SAP130: variants seen among roughly 807,000 people sequenced by gnomAD.
The protein encoded by SAP130 is Sin3A associated protein 130.
Under a neutral mutation model 103.2 loss-of-function variants are expected in SAP130, and 16 were observed. The observed-to-expected ratio is 0.16, with a 90% confidence interval of 0.10 to 0.24. The LOEUF is 0.24. Ranked by LOEUF, SAP130 falls within the 10% of genes least tolerant of loss-of-function variation. The pLI is 1.00. For missense variants in SAP130, 990 were observed against 1,359.7 expected, an observed-to-expected ratio of 0.73 and a Z score of 4.28; for synonymous variants, 477 against 497.0, an observed-to-expected ratio of 0.96 and a Z score of 0.53.
chr2:127,971,459 G>A (rs1681087259), intron 15 of SAP130, among the ~76,000 whole-genome samples: 1 of 151,898 alleles, frequency 6.6e-6, no homozygotes, highest in South Asian at 2.1e-4. Context: ...CTAATTTTTT[G>A]TATGTTTTTA....
rs142538837 is a variant in SAP130, at chr2:127,989,046, G to C, written c.1780+518C>G. Among the ~76,000 whole-genome samples the C allele has an allele frequency of 4.6e-3, 692 of 151,680 alleles. 6 individuals carry two copies. The highest frequency in any genetic ancestry group is 0.016 in the African/African-American group (650 of 41,376). On this transcript the variant is annotated intron_variant, in intron 13 of 20. Coordinates refer to ENST00000643581, the MANE Select transcript of SAP130 (RefSeq NM_001330301.2). The surrounding 1 kb of genome is among the most constrained non-coding windows in gnomAD (Gnocchi z 4.6). ...CCCACAACTAGGAGCTTTTAAAAAA[G>C]ATAACACTTCTCATTATGTTCAAAT...
intron 16 of SAP130, among the ~76,000 whole-genome samples, chr2:127,954,564 T>C (rs1339707369): frequency 2.0e-5 from 3 of 152,262 alleles, no homozygotes; most frequent in Non-Finnish European, 2.9e-5. Context: ...TAATCACATA[T>C]AGGTTTTTCA....
At chr2:128,011,871 G>C (rs1200730645) in intron 6 of SAP130, among the ~76,000 whole-genome samples, 1 of 152,128 alleles carries the variant, frequency 6.6e-6, no homozygotes, top group East Asian at 1.9e-4. Flanking sequence ...AGAGTGCAGT[G>C]GCACGATCTT....
chr2:128,014,482 G>A (rs984601875), intron 5 of SAP130, among the ~76,000 whole-genome samples: 7 of 151,966 alleles, frequency 4.6e-5, no homozygotes, highest in African/African-American at 1.2e-4. Flanking sequence ...GACTACAGAC[G>A]CATGCCACCA....
At chr2:127,968,414 G>GTTT (rs772856433) in intron 15 of SAP130, among the ~76,000 whole-genome samples, 9 of 133,958 alleles carry the variant, frequency 6.7e-5, no homozygotes, top group East Asian at 4.3e-4. Context: ...CCCGGAGTTG[G>GTTT]TTTTTTTTTT....
At chr2:127,948,097 A>T (rs1004379885) in intron 18 of SAP130, among the ~76,000 whole-genome samples, 1 of 151,626 alleles carries the variant, frequency 6.6e-6, no homozygotes, top group African/African-American at 2.4e-5. Flanking sequence ...GCTTGTATGT[A>T]TTTTTCCAGT....
intron 6 of SAP130, among the ~76,000 whole-genome samples, chr2:128,011,925 A>T (rs529568365): frequency 6.6e-6 from 1 of 152,060 alleles, no homozygotes; most frequent in Non-Finnish European, 1.5e-5. Context: ...TGATTCTCCC[A>T]CCTCAGCCTC....
chr2:127,999,704 C>T lies in SAP130; in HGVS notation c.1213+37G>A, dbSNP rs185447357. On this transcript the variant is annotated intron_variant, in intron 10 of 20. Coordinates refer to ENST00000643581, the MANE Select transcript of SAP130 (RefSeq NM_001330301.2). ...CCTAGTCTGAGGGGTTACAGCACTC[C>T]TGGTAAGCTTCTGTCCGAAGGCAGC... The T allele has an allele frequency of 8.1e-5, 104 of 1,284,130 alleles. No homozygotes were observed. The African/African-American group carries it at 1.4e-3, about 17-fold the overall frequency. 79.5% of individuals were successfully genotyped at this position (1,284,130 alleles called of 1,614,324 possible). A position where few individuals can be genotyped will look rare whatever the true frequency, so the allele number is the denominator to read the frequency against.
chr2:127,983,820 GTTGTTTTTTTTT>G (rs1279709339), intron 14 of SAP130, among the ~76,000 whole-genome samples: 13 of 112,354 alleles, frequency 1.2e-4, no homozygotes, highest in African/African-American at 1.5e-4. Flanking sequence ...CTATTACTTT[GTTGTTTTTTTTT>G]TTTTTTTTTT....
intron 15 of SAP130, among the ~76,000 whole-genome samples, chr2:127,959,817 A>T (rs2438018): frequency 0.82 from 125,428 of 152,048 alleles, 52,290 homozygotes; most frequent in Middle Eastern, 0.88. Flanking sequence ...GATAGAAAAA[A>T]CTTAGTAAAA....
chr2:127,989,928 A>G lies in SAP130; in HGVS notation c.1478-62T>C. On this transcript the variant is annotated intron_variant, in intron 12 of 20. Transcript: ENST00000643581. This position sits in a 1 kb window ranked among gnomAD's most constrained non-coding sequence, Gnocchi z 4.6. ...GCTTCATTTCACACAGTCCACATAA[A>G]GAGAGAAACACTAAAAACGGATTTC... 8 of 1,466,458 alleles carry G rather than the reference A, an allele frequency of 5.5e-6. No individual in the cohort carries two copies. The highest frequency in any genetic ancestry group is 7.4e-6 in the Non-Finnish European group (8 of 1,078,664). 90.8% of individuals were successfully genotyped at this position (1,466,458 alleles called of 1,614,324 possible). A position where few individuals can be genotyped will look rare whatever the true frequency, so the allele number is the denominator to read the frequency against.
chr2:127,998,540 T>C (rs1446226287), intron 10 of SAP130, among the ~76,000 whole-genome samples: 1 of 152,258 alleles, frequency 6.6e-6, no homozygotes, highest in Non-Finnish European at 1.5e-5. Context: ...TCAACTGAGC[T>C]ACCTTTCTTA....
Position 127,963,371 on chromosome 2 carries a change from A to T in SAP130, c.2064-8027T>A, listed in dbSNP as rs986264237. ...AAGCCTCCTGAGTAGCCAGGACCAC[A>T]GGTGCGTGCCACCATGCCCGGCTCA... On this transcript the variant is annotated intron_variant, in intron 15 of 20. Transcript: ENST00000643581. Among the ~76,000 whole-genome samples the T allele has an allele frequency of 2.0e-5, 3 of 152,102 alleles. No individual in the cohort carries two copies. In the South Asian group the frequency reaches 6.2e-4, roughly 32 times the overall value.
rs1559022317 is a variant in SAP130 at position 127,942,268 on chromosome 2, C to T, written c.3016-104G>A. ...AGAGGCCATGTTGAGGCTTCCACAA[C>T]AGAGAAAATGTCTTTTTGTTTCTCA... On this transcript the variant is annotated intron_variant, in intron 20 of 20. Coordinates refer to ENST00000643581, the MANE Select transcript of SAP130 (RefSeq NM_001330301.2). The surrounding 1 kb of genome is among the most constrained non-coding windows in gnomAD (Gnocchi z 4.8). The T allele has an allele frequency of 3.3e-6, 4 of 1,199,170 alleles. No individual in the cohort carries two copies. Among genetic ancestry groups the T allele is most frequent in the Admixed American group, 2.2e-5 (1 of 44,754 alleles). The allele number at this position is 1,199,170 out of a possible 1,614,324, so 74.3% of individuals were successfully genotyped here. A position where few individuals can be genotyped will look rare whatever the true frequency, so the allele number is the denominator to read the frequency against.
intron 12 of SAP130, among the ~76,000 whole-genome samples, chr2:127,991,725 T>C (rs1416082180): frequency 6.6e-6 from 1 of 152,236 alleles, no homozygotes; most frequent in East Asian, 1.9e-4. Context: ...ATCTCATGAA[T>C]TTTTATCAGA....
At chr2:127,952,847 C>G (rs187129473) in intron 16 of SAP130, among the ~76,000 whole-genome samples, 1 of 152,286 alleles carries the variant, frequency 6.6e-6, no homozygotes, top group East Asian at 1.9e-4. Flanking sequence ...CTTCCTCCCC[C>G]ATCTCATGAT....
At chr2:127,983,834 T>TG (rs1406069477) in intron 14 of SAP130, among the ~76,000 whole-genome samples, 44 of 126,082 alleles carry the variant, frequency 3.5e-4, no homozygotes, top group African/African-American at 7.7e-4. Flanking sequence ...TTTTTTTTTT[T>TG]TTTTTTTTTT....
intron 2 of SAP130, among the ~76,000 whole-genome samples, chr2:128,025,391 C>A (rs1685434566): frequency 6.6e-6 from 1 of 152,170 alleles, no homozygotes; most frequent in Non-Finnish European, 1.5e-5. Flanking sequence ...TCACTGAGAA[C>A]CACTAATTTC....
chr2:127,962,173 T>G (rs923750952), intron 15 of SAP130, among the ~76,000 whole-genome samples: 1 of 152,200 alleles, frequency 6.6e-6, no homozygotes, highest in Non-Finnish European at 1.5e-5. Flanking sequence ...CCACAGCTCT[T>G]CCAACAGCAT....
Sources: allele counts gnomAD v4.1 joint callset (sites outside exome capture counted in the v4.1 genomes callset), GRCh38; gene constraint gnomAD v4.1.1; non-coding constraint Gnocchi (gnomAD v3.1); transcripts MANE v1.5; gene names NCBI Gene and HGNC (gene_info 2026-07-23, HGNC 2026-07-21).